Variants in KHDRBS2 observed in about 807,000 individuals in gnomAD.
The protein encoded by KHDRBS2 is KH RNA binding domain containing, signal transduction associated 2.
In KHDRBS2, 26 loss-of-function variants were observed where a neutral mutation model predicts 44.3. The ratio of observed to expected loss-of-function variants is 0.59; its 90% CI spans 0.43 to 0.81. The LOEUF is 0.81. KHDRBS2 is among the 40% of genes least tolerant of loss of function. The probability of loss-of-function intolerance (pLI) is 0.00; values close to 1 mark genes in which losing one functional copy is unlikely to be tolerated. For synonymous variants in KHDRBS2, 194 were observed against 151.1 expected, an observed-to-expected ratio of 1.28 and a Z score of -2.08; for missense variants, 476 against 433.1, an observed-to-expected ratio of 1.10 and a Z score of -0.88.
the KHDRBS2 span, among the ~76,000 whole-genome samples, chr6:61,627,219 C>T: frequency 2.2e-5 from 3 of 134,934 alleles, no homozygotes; most frequent in Non-Finnish European, 3.1e-5. Flanking sequence ...CGCCACTGCA[C>T]TCCAGCCTGG....
downstream of KHDRBS2, among the ~76,000 whole-genome samples, chr6:61,675,564 A>G (rs979088271): frequency 3.3e-5 from 5 of 151,798 alleles, no homozygotes; most frequent in African/African-American, 1.2e-4. Flanking sequence ...TTATCTAAAT[A>G]TACATTAAAT....
chr6:61,662,474 G>A, the KHDRBS2 span, among the ~76,000 whole-genome samples: 1 of 151,930 alleles, frequency 6.6e-6, no homozygotes, highest in African/African-American at 2.4e-5. Context: ...CTACAGAATG[G>A]GAGAAAATTT....
intron 3 of KHDRBS2, among the ~76,000 whole-genome samples, chr6:62,026,475 G>A (rs139001754): frequency 1.5e-3 from 219 of 147,968 alleles, no homozygotes; most frequent in Non-Finnish European, 2.4e-3. Flanking sequence ...TTCTGTTGTC[G>A]AGGCTGGATG....
chr6:62,271,498 C>T (rs146228534), intron 1 of KHDRBS2, among the ~76,000 whole-genome samples: 6 of 152,260 alleles, frequency 3.9e-5, no homozygotes, highest in Non-Finnish European at 8.8e-5. Flanking sequence ...CCTCAACTTA[C>T]ATATTTTAAA....
the KHDRBS2 span, among the ~76,000 whole-genome samples, chr6:61,646,247 A>G: frequency 2.0e-5 from 3 of 152,266 alleles, no homozygotes; most frequent in East Asian, 5.8e-4. Flanking sequence ...TAGGAATGTT[A>G]TGTAAATGAG....
the KHDRBS2 span, among the ~76,000 whole-genome samples, chr6:61,564,739 G>A: frequency 6.6e-6 from 1 of 152,034 alleles, no homozygotes; most frequent in Non-Finnish European, 1.5e-5. Flanking sequence ...ATTGAATAGT[G>A]GCTCTCAGTT....
At chr6:61,545,326 T>A in the KHDRBS2 span, among the ~76,000 whole-genome samples, 1 of 151,976 alleles carries the variant, frequency 6.6e-6, no homozygotes, top group African/African-American at 2.4e-5. Context: ...TAGGCCATCA[T>A]CCCCAGTTGC....
intron 4 of KHDRBS2, among the ~76,000 whole-genome samples, chr6:61,906,443 T>A (rs1805033492): frequency 6.6e-6 from 1 of 152,082 alleles, no homozygotes; most frequent in Non-Finnish European, 1.5e-5. Flanking sequence ...TACAATAAAT[T>A]ATCGTTGACT....
At position 62,047,887 on chromosome 6, in the gene KHDRBS2, A is replaced by C. The variant is rs1426001586; in HGVS notation, c.327T>G (p.Asp109Glu). The change falls in exon 3 of 9, where the codon GAT becomes GAG. Residue 109 changes from aspartate to glutamate, a missense_variant. Asp to Glu is a conservative substitution (Grantham distance 45, BLOSUM62 2). Transcript: ENST00000281156. ...MSILGKGSMR[D>E]KAKEEELRKS... ...ATTCAAAGTTCAGTACCTTAGCTTT[A>C]TCTCTCATTGATCCTTTGCCCAGGA... The C allele has an allele frequency of 1.9e-6, 3 of 1,599,646 alleles. No homozygotes were observed. Among genetic ancestry groups the C allele is most frequent in the African/African-American group, 2.7e-5 (2 of 74,508 alleles).
At chr6:61,607,519 G>GAAAAAAAAAAAAAAAAAAAAAA in the KHDRBS2 span, among the ~76,000 whole-genome samples, 6 of 23,310 alleles carry the variant, frequency 2.6e-4, no homozygotes, top group African/African-American at 4.6e-4. Context: ...TGAGTTCCAA[G>GAAAAAAAAAAAAAAAAAAAAAA]CAAAAAAAAA....
chr6:61,816,366 A>G (rs1333429669), intron 6 of KHDRBS2, among the ~76,000 whole-genome samples: 1 of 152,060 alleles, frequency 6.6e-6, no homozygotes, highest in South Asian at 2.1e-4. Context: ...CCTAATATGA[A>G]GAAGGAAGAT....
At chr6:61,624,763 A>T in the KHDRBS2 span, among the ~76,000 whole-genome samples, 2 of 152,068 alleles carry the variant, frequency 1.3e-5, no homozygotes, top group Admixed American at 6.6e-5. Flanking sequence ...CACGATATAT[A>T]CGCTAAGTCA....
chr6:61,851,741 T>A (rs540053788), intron 6 of KHDRBS2, among the ~76,000 whole-genome samples: 4 of 152,234 alleles, frequency 2.6e-5, no homozygotes. Flanking sequence ...CATTTCGTTA[T>A]GGCAACCTAG....
chr6:61,689,810 G>C (rs1767197677), intron 8 of KHDRBS2, among the ~76,000 whole-genome samples: 1 of 151,884 alleles, frequency 6.6e-6, no homozygotes, highest in African/African-American at 2.4e-5. Flanking sequence ...TACCAGTACG[G>C]TTAAGTCATT....
At chr6:61,825,382 A>G (rs1214411116) in intron 6 of KHDRBS2, among the ~76,000 whole-genome samples, 1 of 152,180 alleles carries the variant, frequency 6.6e-6, no homozygotes, top group Non-Finnish European at 1.5e-5. Context: ...AATAGCTGCC[A>G]TAATTCTGCA....
chr6:61,674,672 A>C, the KHDRBS2 span, among the ~76,000 whole-genome samples: 4,499 of 151,798 alleles, frequency 0.03, 236 homozygotes, highest in African/African-American at 0.1. Context: ...TATACAATTC[A>C]GTATTTTCAA....
At chr6:61,989,705 A>G (rs1775766075) in intron 3 of KHDRBS2, among the ~76,000 whole-genome samples, 1 of 152,088 alleles carries the variant, frequency 6.6e-6, no homozygotes, top group Non-Finnish European at 1.5e-5. Flanking sequence ...TTGGGAGAAG[A>G]TTTTTGTTTT....
At chr6:62,084,975 A>T (rs1254646883) in intron 2 of KHDRBS2, among the ~76,000 whole-genome samples, 1 of 152,176 alleles carries the variant, frequency 6.6e-6, no homozygotes, top group Non-Finnish European at 1.5e-5. Flanking sequence ...ATTCTAACAA[A>T]ACACTTAAAT....
intron 3 of KHDRBS2, among the ~76,000 whole-genome samples, chr6:62,028,844 CA>C (rs1353207177): frequency 6.6e-6 from 1 of 152,028 alleles, no homozygotes; most frequent in African/African-American, 2.4e-5. Context: ...CTTGTCGACA[CA>C]TGTGAGAATT....
Sources: gnomAD v4.1 joint callset for allele counts (sites outside exome capture counted in the v4.1 genomes callset) on GRCh38, gnomAD v4.1.1 for gene constraint, MANE v1.5 for transcripts, NCBI Gene and HGNC (gene_info 2026-07-23, HGNC 2026-07-21) for gene names.